FAM168A: variants seen among roughly 807,000 people sequenced by gnomAD.
The protein encoded by FAM168A is family with sequence similarity 168 member A.
A neutral mutation model predicts 28.5 loss-of-function variants in FAM168A; 3 were observed. That is an observed-to-expected ratio of 0.11 (90% confidence interval 0.05 to 0.27). The LOEUF (loss-of-function observed/expected upper bound fraction) is 0.27. FAM168A is among the 10% of genes least tolerant of loss of function. The pLI is 1.00. For missense variants in FAM168A, 222 were observed against 311.5 expected (o/e 0.71, Z 2.16); for synonymous variants, 122 against 124.2 (o/e 0.98, Z 0.12).
At chr11:73,446,333 C>T (rs1168207564) in intron 2 of FAM168A, among the ~76,000 whole-genome samples, 1 of 152,168 alleles carries the variant, frequency 6.6e-6, no homozygotes, top group Non-Finnish European at 1.5e-5. Context: ...TGATTCAAGG[C>T]AAGTTACTTA....
intron 1 of FAM168A, among the ~76,000 whole-genome samples, chr11:73,524,834 A>G (rs1943429988): frequency 1.3e-5 from 2 of 152,130 alleles, no homozygotes; most frequent in Non-Finnish European, 1.5e-5. Flanking sequence ...CCTGGCCTCA[A>G]GATGATCCAC....
chr11:73,423,654 C>T (rs919633182), intron 3 of FAM168A, among the ~76,000 whole-genome samples: 1 of 152,174 alleles, frequency 6.6e-6, no homozygotes, highest in Non-Finnish European at 1.5e-5. Flanking sequence ...AAGACTCACA[C>T]CTACTACGAA....
rs1866491058 is a variant in FAM168A, at chr11:73,405,568, T to C, written c.*1195A>G. ...CTCATCTGCCAAATAGGGAAATGGA[T>C]GAGATGATTGCTAAGGTCCCTTCAG... On this transcript the variant is annotated 3_prime_UTR_variant, in exon 8 of 8. Coordinates refer to ENST00000356467, the MANE Select transcript of FAM168A (RefSeq NM_015159.3). The C allele has an allele frequency of 6.6e-6, 1 of 151,888 alleles. No homozygotes were observed. 9.4% of individuals were successfully genotyped at this position (151,888 alleles called of 1,614,324 possible). A position where few individuals can be genotyped will look rare whatever the true frequency, so the allele number is the denominator to read the frequency against.
intron 1 of FAM168A, among the ~76,000 whole-genome samples, chr11:73,558,562 G>A (rs1250000583): frequency 2.0e-5 from 3 of 150,024 alleles, no homozygotes; most frequent in Non-Finnish European, 3.0e-5. Context: ...TCTGGAATCC[G>A]GACTATATAA....
At chr11:73,578,576 A>C (rs1345433919) in intron 1 of FAM168A, among the ~76,000 whole-genome samples, 1 of 152,202 alleles carries the variant, frequency 6.6e-6, no homozygotes, top group East Asian at 1.9e-4. Flanking sequence ...GATCACAGGG[A>C]GGCCAGGCCA....
chr11:73,422,569 C>CT (rs1866812108), intron 3 of FAM168A, among the ~76,000 whole-genome samples: 1 of 152,192 alleles, frequency 6.6e-6, no homozygotes, highest in Non-Finnish European at 1.5e-5. Context: ...TGAAGACAAT[C>CT]CCAACTGAAG....
chr11:73,426,132 C>T (rs1866880441), intron 3 of FAM168A, among the ~76,000 whole-genome samples: 1 of 152,202 alleles, frequency 6.6e-6, no homozygotes. Flanking sequence ...AAAAGATTCT[C>T]ATGAGGAGGT....
intron 1 of FAM168A, among the ~76,000 whole-genome samples, chr11:73,535,081 G>A (rs1304720597): frequency 6.6e-6 from 1 of 152,140 alleles, no homozygotes; most frequent in African/African-American, 2.4e-5. Flanking sequence ...CTGACATGTA[G>A]TTGCCCCACA....
At chr11:73,466,908 G>C (rs948003309) in intron 2 of FAM168A, among the ~76,000 whole-genome samples, 1 of 151,974 alleles carries the variant, frequency 6.6e-6, no homozygotes, top group Non-Finnish European at 1.5e-5. Context: ...GTGGGCCCTG[G>C]AACAGCCAAG....
At chr11:73,544,892 T>A (rs1368008881) in intron 1 of FAM168A, among the ~76,000 whole-genome samples, 2 of 94,096 alleles carry the variant, frequency 2.1e-5, no homozygotes, top group African/African-American at 9.6e-5. Flanking sequence ...ATATAAAATA[T>A]AAAATATATT....
chr11:73,437,193 G>A (rs1867104510), intron 2 of FAM168A, among the ~76,000 whole-genome samples: 1 of 151,930 alleles, frequency 6.6e-6, no homozygotes, highest in Admixed American at 6.6e-5. Flanking sequence ...CGCCTCCTGG[G>A]TTCAAGCAAT....
At chr11:73,450,127 G>A (rs150036576) in intron 2 of FAM168A, among the ~76,000 whole-genome samples, 1 of 152,218 alleles carries the variant, frequency 6.6e-6, no homozygotes, top group African/African-American at 2.4e-5. Flanking sequence ...GCATCCCTGT[G>A]TCCAGGGTTT....
At chr11:73,496,892 C>CAT (rs920131787) in intron 1 of FAM168A, among the ~76,000 whole-genome samples, 2 of 149,884 alleles carry the variant, frequency 1.3e-5, no homozygotes, top group Non-Finnish European at 3.0e-5. Context: ...CACACACACA[C>CAT]ACACACACAC....
At chr11:73,489,014 G>A (rs771027768) in intron 1 of FAM168A, among the ~76,000 whole-genome samples, 73 of 151,916 alleles carry the variant, frequency 4.8e-4, no homozygotes, top group Non-Finnish European at 8.8e-4. Flanking sequence ...TCAGCCTCCC[G>A]AGTAGCTGGG....
chr11:73,465,037 A>C (rs919012621), intron 2 of FAM168A, among the ~76,000 whole-genome samples: 4 of 151,902 alleles, frequency 2.6e-5, no homozygotes, highest in Non-Finnish European at 5.9e-5. Context: ...TACAACAACC[A>C]TTAATTGAGT....
At chr11:73,501,458 A>G (rs903245806) in intron 1 of FAM168A, among the ~76,000 whole-genome samples, 2 of 152,216 alleles carry the variant, frequency 1.3e-5, no homozygotes, top group Non-Finnish European at 2.9e-5. Flanking sequence ...ACTTCTCAGC[A>G]AAAGCAAAAG....
At chr11:73,442,828 TTCTTTCTTTC>T (rs1469872545) in intron 2 of FAM168A, among the ~76,000 whole-genome samples, 3 of 141,864 alleles carry the variant, frequency 2.1e-5, no homozygotes, top group Non-Finnish European at 4.5e-5. Flanking sequence ...TTTCTTTTCT[TTCTTTCTTTC>T]TTTTTTTTTT....
chr11:73,597,735 TCCCACCCTCAC>T (rs1173266825), intron 1 of FAM168A, among the ~76,000 whole-genome samples, 177 bp downstream of exon 1: 2 of 125,894 alleles, frequency 1.6e-5, no homozygotes, highest in African/African-American at 3.0e-5. Flanking sequence ...CCTGCTTGGG[TCCCACCCTCAC>T]CCCACCCCCG....
chr11:73,482,557 G>A (rs965701568), intron 1 of FAM168A, among the ~76,000 whole-genome samples: 3 of 151,836 alleles, frequency 2.0e-5, no homozygotes, highest in Admixed American at 6.6e-5. Flanking sequence ...AACCCACAGA[G>A]TCAAGGGGTT....
Sources: allele counts gnomAD v4.1 joint callset (sites outside exome capture counted in the v4.1 genomes callset), GRCh38; gene constraint gnomAD v4.1.1; transcripts MANE v1.5; gene names NCBI Gene and HGNC (gene_info 2026-07-23, HGNC 2026-07-21).